The following CLDN10 variants were observed in gnomAD, a reference collection of about 807,000 sequenced individuals.
CLDN10 encodes claudin-10.
A neutral mutation model predicts 22.9 loss-of-function variants in CLDN10; 15 were observed. The ratio of observed to expected loss-of-function variants is 0.65; its 90% CI spans 0.44 to 1.01. The LOEUF (loss-of-function observed/expected upper bound fraction) is 1.01. Among genes scored for constraint, CLDN10 ranks in the 50% least tolerant of loss-of-function variants. CLDN10 has a pLI of 0.00. For synonymous variants in CLDN10, 114 were observed against 111.4 expected (o/e 1.02, Z -0.15); for missense variants, 247 against 287.8 (o/e 0.86, Z 1.03).
At chr13:95,535,878 AC>A (rs1349895246) in intron 1 of CLDN10, among the ~76,000 whole-genome samples, 1 of 152,200 alleles carries the variant, frequency 6.6e-6, no homozygotes, top group Non-Finnish European at 1.5e-5. Flanking sequence ...AAAGTATTTC[AC>A]AAAGAAGGAA....
At chr13:95,567,052 C>G (rs1049150782) in intron 3 of CLDN10, among the ~76,000 whole-genome samples, 1 of 151,996 alleles carries the variant, frequency 6.6e-6, no homozygotes, top group Non-Finnish European at 1.5e-5. Context: ...AGTCAGGTAG[C>G]GTGATGCCTC....
chr13:95,489,113 G>T (rs535204225), intron 1 of CLDN10, among the ~76,000 whole-genome samples: 19 of 151,764 alleles, frequency 1.3e-4, no homozygotes, highest in Admixed American at 1.2e-3. Context: ...ACCACGCCAG[G>T]CTAGTTTTAC....
chr13:95,481,006 A>T (rs751089847), intron 1 of CLDN10, among the ~76,000 whole-genome samples: 40 of 152,140 alleles, frequency 2.6e-4, no homozygotes, highest in Non-Finnish European at 4.1e-4. Flanking sequence ...GCCATGAGGA[A>T]CTTGCTTCTT....
intron 1 of CLDN10, among the ~76,000 whole-genome samples, chr13:95,469,727 C>T (rs546877574): frequency 2.4e-4 from 36 of 152,236 alleles, no homozygotes; most frequent in African/African-American, 7.9e-4. Flanking sequence ...AAGGGAGGCC[C>T]GTTCTGAAAG....
At chr13:95,441,736 A>T (rs746108644) in intron 1 of CLDN10, among the ~76,000 whole-genome samples, 34 of 152,216 alleles carry the variant, frequency 2.2e-4, no homozygotes, top group Non-Finnish European at 4.6e-4. Flanking sequence ...TTCTATGCAC[A>T]TTAAATGTTT....
chr13:95,543,219 G>A (rs1471970440), intron 1 of CLDN10, among the ~76,000 whole-genome samples: 1 of 149,964 alleles, frequency 6.7e-6, no homozygotes, highest in Non-Finnish European at 1.5e-5. Flanking sequence ...GCGACAGAGC[G>A]AGACTCTGTC....
In CLDN10 at chr13:95,484,798, G is replaced by A. The variant is rs182761256; in HGVS notation, c.214+50751G>A. Among the ~76,000 whole-genome samples, 134 of 150,420 alleles carry A rather than the reference G, an allele frequency of 8.9e-4. 2 individuals are homozygous for A. The East Asian group carries it at 0.024, about 27-fold the overall frequency. The stretch of plus-strand genomic sequence containing the variant: ...CAAGAATCGCTTGGACCCAGGAGGT[G>A]GAGGTTGGAATGAGCCAAGATTGTG... On this transcript the variant is annotated intron_variant, in intron 1 of 4. Transcript: ENST00000376873.
At chr13:95,559,764 ACT>A (rs2043681221) in intron 1 of CLDN10, among the ~76,000 whole-genome samples, 1 of 152,168 alleles carries the variant, frequency 6.6e-6, no homozygotes, top group Admixed American at 6.5e-5. Flanking sequence ...GGCACCTTTC[ACT>A]GTGGAATTTC....
At chr13:95,471,941 A>AT (rs58891166) in intron 1 of CLDN10, among the ~76,000 whole-genome samples, 1,245 of 95,664 alleles carry the variant, frequency 0.013, 23 homozygotes, top group African/African-American at 0.031. Flanking sequence ...ACACTCAGCT[A>AT]TTTTTTTTTT....
intron 1 of CLDN10, chr13:95,479,843 G>T (rs1487267589): frequency 1.3e-5 from 2 of 152,212 alleles, no homozygotes; most frequent in Non-Finnish European, 2.9e-5. Context: ...CCCTGCAAGA[G>T]TCCAGGGGTT....
chr13:95,555,574 C>CT (rs1396090736), intron 1 of CLDN10, among the ~76,000 whole-genome samples: 1 of 152,144 alleles, frequency 6.6e-6, no homozygotes, highest in African/African-American at 2.4e-5. Flanking sequence ...TTTATGATGC[C>CT]TTTTCTCACA....
At chr13:95,539,734 G>T (rs1345678061) in intron 1 of CLDN10, among the ~76,000 whole-genome samples, 2 of 152,090 alleles carry the variant, frequency 1.3e-5, no homozygotes, top group African/African-American at 2.4e-5. Flanking sequence ...AAAAACTGTG[G>T]AATGAAGAAG....
At chr13:95,480,374 G>A (rs2042732725) in intron 1 of CLDN10, among the ~76,000 whole-genome samples, 1 of 152,220 alleles carries the variant, frequency 6.6e-6, no homozygotes, top group African/African-American at 2.4e-5. Flanking sequence ...TATTAGAGGA[G>A]AATGCCCTTG....
At chr13:95,461,183 C>T (rs2042533642) in intron 1 of CLDN10, among the ~76,000 whole-genome samples, 1 of 152,176 alleles carries the variant, frequency 6.6e-6, no homozygotes. Context: ...AACTCCAAAG[C>T]AATCCTCCCA....
chr13:95,509,298 A>G (rs959700180), intron 1 of CLDN10, among the ~76,000 whole-genome samples: 11 of 152,220 alleles, frequency 7.2e-5, no homozygotes, highest in Non-Finnish European at 1.5e-5. Context: ...GACTGTGAAT[A>G]TGGTATTGGA....
At chr13:95,449,589 C>A (rs1395176254) in intron 1 of CLDN10, among the ~76,000 whole-genome samples, 1 of 151,880 alleles carries the variant, frequency 6.6e-6, no homozygotes, top group Non-Finnish European at 1.5e-5. Flanking sequence ...TTTTTAGAGA[C>A]AGGGTCCTGC....
chr13:95,434,700 C>T (rs2042249705), intron 1 of CLDN10, among the ~76,000 whole-genome samples: 1 of 151,824 alleles, frequency 6.6e-6, no homozygotes, highest in Admixed American at 6.6e-5. Flanking sequence ...CAAACGATGG[C>T]AAATTCAAAC....
intron 1 of CLDN10, among the ~76,000 whole-genome samples, chr13:95,495,766 AAG>A (rs1462641724): frequency 3.3e-5 from 5 of 151,194 alleles, no homozygotes; most frequent in Admixed American, 6.6e-5. Context: ...AAAGAAAAGA[AAG>A]AAAGAAAGAA....
chr13:95,485,859 T>G (rs193156434), intron 1 of CLDN10, among the ~76,000 whole-genome samples: 255 of 152,290 alleles, frequency 1.7e-3, no homozygotes, highest in African/African-American at 6.0e-3. Context: ...TCTTCCCCCA[T>G]TTTTCACTTG....
Sources: gnomAD v4.1 joint callset for allele counts (sites outside exome capture counted in the v4.1 genomes callset) on GRCh38, gnomAD v4.1.1 for gene constraint, MANE v1.5 for transcripts, NCBI Gene and HGNC (gene_info 2026-07-23, HGNC 2026-07-21) for gene names.